Variants in TASP1 observed in about 807,000 individuals in gnomAD.
TASP1 encodes the protein threonine aspartase 1.
Under a neutral mutation model 56.6 loss-of-function variants are expected in TASP1, and 16 were observed. The observed-to-expected ratio is 0.28, with a 90% CI of 0.19 to 0.43. TASP1 has a LOEUF of 0.43. Ranked by LOEUF, TASP1 falls within the 20% of genes least tolerant of loss-of-function variation. TASP1 has a pLI of 1.00. For missense variants in TASP1, 393 were observed against 511.6 expected (o/e 0.77, Z 2.24); for synonymous variants, 179 against 184.2 (o/e 0.97, Z 0.23).
At chr20:13,172,562 T>C in the TASP1 span, among the ~76,000 whole-genome samples, 3 of 152,146 alleles carry the variant, frequency 2.0e-5, no homozygotes, top group Non-Finnish European at 4.4e-5. Context: ...TGCACATTTG[T>C]TTGAATCCCC....
At position 13,435,009 on chromosome 20, in the gene TASP1, TAGAA is replaced by T. The variant is rs762366758; in HGVS notation, c.1096+31_1096+34del. 30 of 1,454,864 alleles carry T rather than the reference TAGAA, an allele frequency of 2.1e-5. No homozygotes were observed. In the South Asian group the frequency reaches 3.1e-4, roughly 15 times the overall value. 90.1% of individuals were successfully genotyped at this position (1,454,864 alleles called of 1,614,324 possible). On this transcript the variant is annotated intron_variant, in intron 12 of 13. Coordinates refer to ENST00000337743, the MANE Select transcript of TASP1 (RefSeq NM_017714.3). ...TTTCATTTTTTCTTGGAAAAAAAAA[TAGAA>T]AGACACACACAATGTATATGTCTCA...
At chr20:13,474,496 T>C (rs1329033958) in intron 11 of TASP1, among the ~76,000 whole-genome samples, 2 of 152,224 alleles carry the variant, frequency 1.3e-5, no homozygotes, top group South Asian at 4.1e-4. Context: ...TAGTATTCCA[T>C]GGTGTGTATA....
At chr20:13,463,963 A>T (rs767133556) in intron 11 of TASP1, among the ~76,000 whole-genome samples, 1 of 152,194 alleles carries the variant, frequency 6.6e-6, no homozygotes, top group African/African-American at 2.4e-5. Flanking sequence ...AACCAAAACC[A>T]GAATTACCAT....
chr20:13,163,314 GC>G, the TASP1 span, among the ~76,000 whole-genome samples: 1 of 147,450 alleles, frequency 6.8e-6, no homozygotes, highest in South Asian at 2.1e-4. Context: ...GTTGCAGTGA[GC>G]CGAGATCATG....
At chr20:13,155,853 T>C in the TASP1 span, among the ~76,000 whole-genome samples, 2 of 152,092 alleles carry the variant, frequency 1.3e-5, no homozygotes, top group Non-Finnish European at 2.9e-5. Context: ...ATAAGTTTTT[T>C]AGCATGCCAC....
intron 11 of TASP1, among the ~76,000 whole-genome samples, chr20:13,454,786 G>A (rs1264374358): frequency 3.9e-5 from 6 of 152,248 alleles, no homozygotes; most frequent in Admixed American, 2.6e-4. Context: ...CCTTCCTTGT[G>A]TCAGTCCCTG....
chr20:13,252,422 G>A, the TASP1 span, among the ~76,000 whole-genome samples: 1 of 152,152 alleles, frequency 6.6e-6, no homozygotes, highest in East Asian at 1.9e-4. Flanking sequence ...TCGTGGGGAG[G>A]CTTTTGCAGC....
chr20:13,417,929 T>C (rs2042313608), intron 12 of TASP1, among the ~76,000 whole-genome samples: 1 of 152,208 alleles, frequency 6.6e-6, no homozygotes, highest in Non-Finnish European at 1.5e-5. Flanking sequence ...CTTTCCTTAT[T>C]GAGACGGAGT....
chr20:13,454,676 T>A (rs2043761164), intron 11 of TASP1, among the ~76,000 whole-genome samples: 1 of 152,142 alleles, frequency 6.6e-6, no homozygotes, highest in Admixed American at 6.6e-5. Flanking sequence ...TGTCATTACA[T>A]GATATCAAGT....
At chr20:13,423,210 T>C (rs375584012) in intron 12 of TASP1, among the ~76,000 whole-genome samples, 66 of 152,332 alleles carry the variant, frequency 4.3e-4, no homozygotes, top group African/African-American at 1.5e-3. Flanking sequence ...TACATGGATA[T>C]GGAACCAACT....
At chr20:13,252,156 C>G in the TASP1 span, among the ~76,000 whole-genome samples, 1 of 152,152 alleles carries the variant, frequency 6.6e-6, no homozygotes, top group African/African-American at 2.4e-5. Context: ...ATGGATCCCT[C>G]AGGCCTCTTT....
Position 13,455,473 on chromosome 20 carries a change from T to G in TASP1, c.986-20319A>C, listed in dbSNP as rs559179264. On this transcript the variant is annotated intron_variant, in intron 11 of 13. Coordinates refer to ENST00000337743, the MANE Select transcript of TASP1 (RefSeq NM_017714.3). ...GAGCCCCTCTCATAGTGACATCAAT[T>G]CTACTAAAGTTGAAGAAAGAACAAA... Among the ~76,000 whole-genome samples, 4 of 152,208 alleles carry G rather than the reference T, an allele frequency of 2.6e-5. 1 individual carries two copies. The South Asian group carries it at 8.3e-4, about 32-fold the overall frequency.
intron 13 of TASP1, among the ~76,000 whole-genome samples, chr20:13,397,423 A>G (rs1313061067): frequency 1.4e-5 from 2 of 144,980 alleles, no homozygotes; most frequent in South Asian, 2.1e-4. Context: ...TTTTCAGATG[A>G]AAAAAAAAAT....
the TASP1 span, among the ~76,000 whole-genome samples, chr20:13,209,527 A>G: frequency 1.3e-5 from 2 of 152,182 alleles, no homozygotes; most frequent in African/African-American, 4.8e-5. Context: ...AAGACCTTCC[A>G]TTATATTGAC....
In TASP1 at chr20:13,424,962, T is replaced by C. The variant is rs554908529; in HGVS notation, c.1097-7441A>G. ...GCAATGTGAGAAAACGTACACACCA[T>C]TGATCCTGTTCCAACATTGGAGAAT... On this transcript the variant is annotated intron_variant, in intron 12 of 13. Transcript: ENST00000337743. Among the ~76,000 whole-genome samples the C allele has an allele frequency of 1.8e-4, 27 of 152,310 alleles. No homozygotes were observed. The South Asian group carries it at 5.2e-3, about 29-fold the overall frequency.
At chr20:13,253,040 T>C in the TASP1 span, among the ~76,000 whole-genome samples, 1 of 152,194 alleles carries the variant, frequency 6.6e-6, no homozygotes, top group South Asian at 2.1e-4. Flanking sequence ...TGGACCTGTG[T>C]GGCTTAATTA....
rs1175896264 is a variant in TASP1 at position 13,483,361 on chromosome 20, G to A, written c.875-24C>T. The A allele has an allele frequency of 2.6e-6, 4 of 1,510,444 alleles. No individual in the cohort carries two copies. The South Asian group carries it at 5.1e-5, about 19-fold the overall frequency. The allele number at this position is 1,510,444 out of a possible 1,614,324, so 93.6% of individuals were successfully genotyped here. On this transcript the variant is annotated intron_variant, in intron 10 of 13. Coordinates refer to ENST00000337743, the MANE Select transcript of TASP1 (RefSeq NM_017714.3). ...TCCTAGAAATCCAAAGAAACCAACA[G>A]TTGAGGAAAAGCAGCACCGAACACC... is the stretch of plus-strand genomic sequence containing the variant.
At chr20:13,267,823 A>C in the TASP1 span, among the ~76,000 whole-genome samples, 2 of 152,206 alleles carry the variant, frequency 1.3e-5, no homozygotes, top group Non-Finnish European at 2.9e-5. Flanking sequence ...TTTTAACCTA[A>C]TTAAACAGTA....
chr20:13,384,041 A>C, the TASP1 span, among the ~76,000 whole-genome samples: 4 of 152,202 alleles, frequency 2.6e-5, no homozygotes, highest in Admixed American at 6.5e-5. Flanking sequence ...ATGGAAAAGA[A>C]CACATGTTTT....
Sources: gnomAD v4.1 joint callset for allele counts (sites outside exome capture counted in the v4.1 genomes callset) on GRCh38, gnomAD v4.1.1 for gene constraint, MANE v1.5 for transcripts, NCBI Gene and HGNC (gene_info 2026-07-23, HGNC 2026-07-21) for gene names.